Variants in CNTNAP2 observed in about 807,000 individuals in gnomAD.
CNTNAP2 encodes contactin associated protein 2.
In CNTNAP2, 98 loss-of-function variants were observed where a neutral mutation model predicts 155.2. The observed-to-expected ratio is 0.63, with a 90% CI of 0.54 to 0.75. The LOEUF is 0.75. Ranked by LOEUF, CNTNAP2 falls within the 30% of genes least tolerant of loss-of-function variation. CNTNAP2 has a pLI of 0.00. For synonymous variants in CNTNAP2, 651 were observed against 631.2 expected (o/e 1.03, Z -0.47); for missense variants, 1,727 against 1,688.1 (o/e 1.02, Z -0.40).
chr7:146,978,080 G>T (rs927981603), intron 3 of CNTNAP2, among the ~76,000 whole-genome samples: 4 of 152,088 alleles, frequency 2.6e-5, no homozygotes, highest in African/African-American at 4.8e-5. Flanking sequence ...CCTAGACCAG[G>T]CTATTAGCTG....
chr7:146,555,612 G>A lies in CNTNAP2; in HGVS notation c.98-218659G>A, dbSNP rs550085905. On this transcript the variant is annotated intron_variant, in intron 1 of 23. Coordinates refer to ENST00000361727, the MANE Select transcript of CNTNAP2 (RefSeq NM_014141.6). ...ATGAGGGAGATTGTAGACTGTAGGA[G>A]AGGTACACTTATATATGTAAACATT... 2.0e-5 allele frequency among the ~76,000 whole-genome samples: 3 copies of A among 152,180 alleles called. No individual in the cohort carries two copies. The South Asian group carries it at 6.2e-4, about 32-fold the overall frequency.
intron 1 of CNTNAP2, among the ~76,000 whole-genome samples, chr7:146,389,703 C>CTTTTTTTTTTT (rs750823074): frequency 1.6e-5 from 2 of 129,012 alleles, no homozygotes; most frequent in African/African-American, 2.9e-5. Flanking sequence ...TTTCTTTTTT[C>CTTTTTTTTTTT]TTTTTTTTTT....
chr7:147,653,616 A>G (rs577924562), intron 13 of CNTNAP2, among the ~76,000 whole-genome samples: 2 of 152,268 alleles, frequency 1.3e-5, no homozygotes, highest in East Asian at 1.9e-4. Context: ...TAGGGGAGGA[A>G]CCACGCTGAG....
intron 5 of CNTNAP2, among the ~76,000 whole-genome samples, chr7:147,111,673 G>C (rs1423431779): frequency 6.6e-6 from 1 of 152,130 alleles, no homozygotes; most frequent in Admixed American, 6.5e-5. Flanking sequence ...AGATCAGGTG[G>C]TTATAGGTGT....
Position 146,757,803 on chromosome 7 carries a change from A to G in CNTNAP2, c.98-16468A>G, listed in dbSNP as rs573473216. On this transcript the variant is annotated intron_variant, in intron 1 of 23. Coordinates refer to ENST00000361727, the MANE Select transcript of CNTNAP2 (RefSeq NM_014141.6). ...CATATCTCATTTATTTTTCACTGCT[A>G]TGGCTCTATTTCTTATTTCAAAATG... Among the ~76,000 whole-genome samples, 7 of 152,192 alleles carry G rather than the reference A, an allele frequency of 4.6e-5. No homozygotes were observed. In the South Asian group the frequency reaches 8.3e-4, roughly 18 times the overall value.
chr7:147,272,262 C>T (rs1445796679), intron 8 of CNTNAP2, among the ~76,000 whole-genome samples: 1 of 152,144 alleles, frequency 6.6e-6, no homozygotes, highest in Non-Finnish European at 1.5e-5. Flanking sequence ...TCTACTCATC[C>T]TCTCTTCTGA....
intron 1 of CNTNAP2, among the ~76,000 whole-genome samples, chr7:146,233,407 T>C (rs1222709783): frequency 2.6e-5 from 4 of 152,042 alleles, no homozygotes; most frequent in African/African-American, 9.7e-5. Flanking sequence ...TGCTAAAACA[T>C]GATGAAGCAG....
At chr7:146,855,841 A>G (rs868030780) in intron 3 of CNTNAP2, among the ~76,000 whole-genome samples, 1,533 of 135,430 alleles carry the variant, frequency 0.011, 57 homozygotes, top group African/African-American at 0.04. Context: ...ATATATATAT[A>G]TATATATATA....
At position 147,485,860 on chromosome 7, in the gene CNTNAP2, G is replaced by C. The variant is rs1798500093; in HGVS notation, c.1671-75G>C. ...TGGCATTGAAATGATATATTGCCCA[G>C]ACAGCTTGGAATTTGGCCACTCATA... On this transcript the variant is annotated intron_variant, in intron 10 of 23. Coordinates refer to ENST00000361727, the MANE Select transcript of CNTNAP2 (RefSeq NM_014141.6). 4.2e-6 allele frequency: 6 copies of C among 1,416,242 alleles called. No individual in the cohort carries two copies. The East Asian group carries it at 6.8e-5, about 16-fold the overall frequency. The allele number at this position is 1,416,242 out of a possible 1,614,324, so 87.7% of individuals were successfully genotyped here.
intron 9 of CNTNAP2, among the ~76,000 whole-genome samples, chr7:147,309,581 T>A (rs532848221): frequency 6.6e-6 from 1 of 152,236 alleles, no homozygotes; most frequent in Non-Finnish European, 1.5e-5. Context: ...GAGGAGTTTG[T>A]CCTCCCCTAA....
chr7:146,553,608 A>G (rs1035983654), intron 1 of CNTNAP2, among the ~76,000 whole-genome samples: 13 of 152,160 alleles, frequency 8.5e-5, no homozygotes, highest in African/African-American at 2.9e-4. Flanking sequence ...AATAATTGGT[A>G]TTCATAAAAG....
chr7:147,114,385 G>C (rs866433785), intron 5 of CNTNAP2, among the ~76,000 whole-genome samples: 30 of 152,260 alleles, frequency 2.0e-4, no homozygotes, highest in African/African-American at 7.0e-4. Context: ...CTGCCTCGAT[G>C]ATCTGTCTAA....
intron 7 of CNTNAP2, 81 bp downstream of exon 7, chr7:147,128,917 A>C: frequency 6.5e-7 from 1 of 1,548,300 alleles, no homozygotes; most frequent in South Asian, 1.1e-5. Context: ...AACAACAACA[A>C]AATCATGACA....
chr7:147,122,442 A>G lies in CNTNAP2; in HGVS notation c.939+1279A>G, dbSNP rs904915048. The G allele has an allele frequency of 2.0e-5, 3 of 152,244 alleles. No homozygotes were observed. The South Asian group carries it at 6.2e-4, about 31-fold the overall frequency. 9.4% of individuals were successfully genotyped at this position (152,244 alleles called of 1,614,324 possible). Reference sequence around the variant, plus strand: ...AGCCATTTAGAGAAATAAACACAAAATAAAAGTGAAAGTAGATTTTTATTT... The same window carrying G: ...AGCCATTTAGAGAAATAAACACAAAGTAAAAGTGAAAGTAGATTTTTATTT... On this transcript the variant is annotated intron_variant, in intron 6 of 23. Transcript: ENST00000361727.
intron 21 of CNTNAP2, among the ~76,000 whole-genome samples, chr7:148,325,936 ACTT>A (rs1250805656): frequency 6.6e-6 from 1 of 152,082 alleles, no homozygotes; most frequent in African/African-American, 2.4e-5. Flanking sequence ...CTGCTAGTAA[ACTT>A]CTACTGACTG....
At chr7:147,293,677 A>G (rs1805359763) in intron 8 of CNTNAP2, among the ~76,000 whole-genome samples, 1 of 152,046 alleles carries the variant, frequency 6.6e-6, no homozygotes, top group South Asian at 2.1e-4. Flanking sequence ...TCTTTTTTCA[A>G]CATTCATTAA....
chr7:148,162,611 G>A (rs1805571047), intron 17 of CNTNAP2, among the ~76,000 whole-genome samples: 2 of 152,220 alleles, frequency 1.3e-5, no homozygotes, highest in South Asian at 2.1e-4. Context: ...TCTTCTCTTT[G>A]TTGGCTTAGA....
At chr7:147,353,120 T>C (rs558148510) in intron 9 of CNTNAP2, among the ~76,000 whole-genome samples, 3 of 151,638 alleles carry the variant, frequency 2.0e-5, no homozygotes, top group East Asian at 1.9e-4. Context: ...TGTATATGTA[T>C]ATATACATAC....
At chr7:147,731,425 G>A (rs911114077) in intron 13 of CNTNAP2, among the ~76,000 whole-genome samples, 7 of 151,952 alleles carry the variant, frequency 4.6e-5, no homozygotes, top group South Asian at 2.1e-4. Context: ...AACAAAGCCC[G>A]GAAGACAGCA....
Sources: allele counts gnomAD v4.1 joint callset (sites outside exome capture counted in the v4.1 genomes callset), GRCh38; gene constraint gnomAD v4.1.1; transcripts MANE v1.5; gene names NCBI Gene and HGNC (gene_info 2026-07-23, HGNC 2026-07-21).